NFASC: variants seen among roughly 807,000 people sequenced by gnomAD.
NFASC encodes the protein neurofascin homolog.
A neutral mutation model predicts 147.5 loss-of-function variants in NFASC; 43 were observed. The ratio of observed to expected loss-of-function variants is 0.29; its 90% CI spans 0.23 to 0.38. NFASC has a LOEUF of 0.38. Ranked by LOEUF, NFASC falls within the 10% of genes least tolerant of loss-of-function variation. The pLI, the probability that NFASC is intolerant of heterozygous loss-of-function variation, is 1.00. For missense variants in NFASC, 1,320 were observed against 1,689.0 expected (o/e 0.78, Z 3.83); for synonymous variants, 622 against 665.5 (o/e 0.93, Z 1.01).
intron 16 of NFASC, 64 bp downstream of exon 16, chr1:204,976,859 A>G: frequency 6.3e-7 from 1 of 1,579,972 alleles, no homozygotes; most frequent in Non-Finnish European, 8.6e-7. Context: ...CCAGAGAAGC[A>G]GTGGCCCGGG....
intron 2 of NFASC, among the ~76,000 whole-genome samples, chr1:204,929,162 C>A (rs550411956): frequency 1.4e-4 from 21 of 152,048 alleles, no homozygotes; most frequent in Admixed American, 5.9e-4. Context: ...TTCCCTCCCC[C>A]ATCCCCCTGA....
chr1:204,976,951 GGA>G, intron 16 of NFASC, 156 bp downstream of exon 16: 1 of 1,405,514 alleles, frequency 7.1e-7, no homozygotes, highest in Non-Finnish European at 9.3e-7. Flanking sequence ...TCAGGGTTAG[GGA>G]GCTGCCAGTT....
chr1:204,839,686 G>T (rs1674745435), intron 1 of NFASC, among the ~76,000 whole-genome samples: 1 of 152,226 alleles, frequency 6.6e-6, no homozygotes. Context: ...CCATGGTGAA[G>T]AGCACTTAGA....
intron 1 of NFASC, among the ~76,000 whole-genome samples, chr1:204,854,194 G>A (rs2075953351): frequency 6.6e-6 from 1 of 151,970 alleles, no homozygotes; most frequent in Non-Finnish European, 1.5e-5. Flanking sequence ...TTGGGTAGTG[G>A]GCTCATCAAG....
intron 8 of NFASC, among the ~76,000 whole-genome samples, chr1:204,967,664 G>C (rs185578718): frequency 1.3e-5 from 2 of 152,166 alleles, no homozygotes; most frequent in East Asian, 3.9e-4. Context: ...GCCCCGGAGT[G>C]ATTTCCTGTC....
intron 10 of NFASC, among the ~76,000 whole-genome samples, chr1:204,969,873 C>G (rs778953934): frequency 1.3e-5 from 2 of 151,864 alleles, no homozygotes; most frequent in Admixed American, 6.6e-5. Context: ...GTCAGAAGAT[C>G]GAGACCATCC....
At chr1:204,994,766 T>C (rs2095811427) in intron 24 of NFASC, among the ~76,000 whole-genome samples, 1 of 152,234 alleles carries the variant, frequency 6.6e-6, no homozygotes, top group Non-Finnish European at 1.5e-5. Flanking sequence ...TTTCTAATGA[T>C]GCCTTTTAGA....
At chr1:204,861,724 C>G (rs201461578) in intron 1 of NFASC, among the ~76,000 whole-genome samples, 1 of 151,392 alleles carries the variant, frequency 6.6e-6, no homozygotes, top group African/African-American at 2.4e-5. Flanking sequence ...CTCCTGACCT[C>G]GTGATCTGCC....
At chr1:204,963,463 C>T (rs1192347479) in intron 8 of NFASC, among the ~76,000 whole-genome samples, 2 of 152,192 alleles carry the variant, frequency 1.3e-5, no homozygotes, top group African/African-American at 2.4e-5. Flanking sequence ...AAGTTCCTCA[C>T]TTTATGTAAG....
rs34856511 is a variant in NFASC at position 204,906,687 on chromosome 1, A to AT, written c.-199-13932dup. On this transcript the variant is annotated intron_variant, in intron 1 of 29. Transcript: ENST00000339876. ...CAGTTTTTTGTGTGGACATATATGC[A>AT]TTTTTTTTTTTTTGAGATGGAGTCT... Among the ~76,000 whole-genome samples the AT allele has an allele frequency of 8.3e-3, 1,203 of 145,752 alleles. 5 individuals carry two copies. Among genetic ancestry groups the AT allele is most frequent in the African/African-American group, 0.022 (869 of 39,542 alleles).
intron 1 of NFASC, among the ~76,000 whole-genome samples, chr1:204,898,401 G>A (rs951860700): frequency 4.6e-5 from 7 of 152,300 alleles, no homozygotes; most frequent in Middle Eastern, 3.4e-3. Flanking sequence ...TTTTTCCCTC[G>A]AGTTTCTTAG....
At chr1:204,967,886 C>A (rs2095048919) in intron 8 of NFASC, 1 of 190,448 alleles carries the variant, frequency 5.3e-6, no homozygotes, top group East Asian at 1.5e-4. Flanking sequence ...GATGGCCTGC[C>A]CTGGGGGCCA....
At chr1:204,997,603 C>T (rs1414665546) in intron 25 of NFASC, 197 bp downstream of exon 25, 4 of 668,534 alleles carry the variant, frequency 6.0e-6, no homozygotes, top group African/African-American at 1.8e-5. Context: ...ATCTCCCCAG[C>T]CTGGCCCTGA....
rs1268134321 is a variant in NFASC, at chr1:204,997,377, C to G, written c.2990C>G (p.Thr997Ser). ...ACCACCACGGAGAGTCCTCCCACCA[C>G]CACCTCCGGGACTAAGATACACGAA... ...ATTTTESPPT[T>S]TSGTKIHESA... The change falls in exon 25 of 30, where the codon ACC (threonine) becomes AGC (serine). Residue 997 changes from threonine (T) to serine (S), a missense_variant. By Grantham distance (58) the Thr-to-Ser change is moderately conservative. Around this residue, in one of 3 missense-constraint regions of NFASC, gnomAD observed 172 missense variants for 165.8 expected, o/e 1.04. Coordinates refer to ENST00000339876, the MANE Select transcript of NFASC (RefSeq NM_001005388.3). 4.5e-6 allele frequency: 7 copies of G among 1,553,220 alleles called. No individual in the cohort carries two copies. The highest frequency in any genetic ancestry group is 2.6e-6 in the Non-Finnish European group (3 of 1,147,766).
chr1:204,970,659 T>C lies in NFASC; in HGVS notation c.1047T>C (p.Ala349=). The change falls in exon 11 of 30, where the codon GCT becomes GCC. Residue 349 remains alanine, a synonymous_variant. Transcript: ENST00000339876. ...ACGAACCCAAGAACCTTATTCTGGC[T>C]CCTGGCGAGGATGGGAGACTGGTGT... ...WLDEPKNLIL[A]PGEDGRLVCR... 6.2e-7 allele frequency: 1 copy of C among 1,614,190 alleles called. No individual in the cohort carries two copies. The highest frequency in any genetic ancestry group is 8.5e-7 in the Non-Finnish European group (1 of 1,180,046).
rs549054871 is a variant in NFASC at position 204,884,357 on chromosome 1, T to C, written c.-199-36275T>C. 3.9e-5 allele frequency among the ~76,000 whole-genome samples: 6 copies of C among 152,220 alleles called. No homozygotes were observed. The South Asian group carries it at 1.0e-3, about 26-fold the overall frequency. On this transcript the variant is annotated intron_variant, in intron 1 of 29. Transcript: ENST00000339876. ...CCACCTCCCTCTGGTTCTTCAATGGTCAGCAATCTCATTGGTGGTCCCTGA... is the reference window on the plus strand; with the variant it reads ...CCACCTCCCTCTGGTTCTTCAATGGCCAGCAATCTCATTGGTGGTCCCTGA...
At position 205,009,593 on chromosome 1, in the gene NFASC, G is replaced by A; in HGVS notation, c.3326G>A (p.Gly1109Asp). The A allele has an allele frequency of 1.2e-6, 2 of 1,614,126 alleles. No individual in the cohort carries two copies. The highest frequency in any genetic ancestry group is 1.7e-6 in the Non-Finnish European group (2 of 1,180,008). The change falls in exon 28 of 30, where the codon GGC becomes GAC. Residue 1109 changes from glycine to aspartate, a missense_variant. This residue lies in a region of NFASC where 167 missense variants were observed against 233.8 expected (regional missense o/e 0.71). Transcript: ENST00000339876. ...TNNQADIATQ[G>D]WFIGLMCAIA... The stretch of plus-strand genomic sequence containing the variant: ...AACCAAGCGGACATCGCCACCCAGG[G>A]CTGGTTCATTGGGCTTATGTGCGCC...
chr1:204,952,044 C>T lies in NFASC; in HGVS notation c.143C>T (p.Ala48Val), dbSNP rs766864514. ...TQPPTITKQS[A>V]KDHIVDPRDN... ...CCGCCAACCATCACCAAGCAGTCAG[C>T]GAAGGATCACATCGTGGACCCCCGT... Residue 48 changes from alanine (A) to valine (V), a missense_variant, in exon 5 of 30, where the codon GCG becomes GTG. Around this residue, in one of 3 missense-constraint regions of NFASC, gnomAD observed 981 missense variants for 1,289.5 expected, o/e 0.76. Coordinates refer to ENST00000339876, the MANE Select transcript of NFASC (RefSeq NM_001005388.3). 2.5e-6 allele frequency: 4 copies of T among 1,614,062 alleles called. No homozygotes were observed. The highest frequency in any genetic ancestry group is 2.2e-5 in the East Asian group (1 of 44,864).
At chr1:204,943,266 AT>A (rs1348245953) in intron 2 of NFASC, among the ~76,000 whole-genome samples, 2 of 152,300 alleles carry the variant, frequency 1.3e-5, no homozygotes, top group Admixed American at 1.3e-4. Flanking sequence ...AAAGCACTCT[AT>A]TTGAGTCTCA....
Sources: allele counts gnomAD v4.1 joint callset (sites outside exome capture counted in the v4.1 genomes callset), GRCh38; gene constraint gnomAD v4.1.1; regional missense constraint gnomAD v4.1.1; transcripts MANE v1.5; gene names NCBI Gene and HGNC (gene_info 2026-07-23, HGNC 2026-07-21).